Variants in FNDC3B observed in about 807,000 individuals in gnomAD.
FNDC3B encodes the protein fibronectin type III domain containing 3B.
FNDC3B carries 12 observed loss-of-function variants against 151.5 expected under a neutral mutation model. The ratio of observed to expected loss-of-function variants is 0.08; its 90% CI spans 0.05 to 0.13. The LOEUF is 0.13. FNDC3B is among the 10% of genes least tolerant of loss of function. The pLI is 1.00. For synonymous variants in FNDC3B, 528 were observed against 549.0 expected (o/e 0.96, Z 0.54); for missense variants, 1,214 against 1,505.3 (o/e 0.81, Z 3.20).
chr3:172,285,340 T>C (rs1225909337), intron 6 of FNDC3B, among the ~76,000 whole-genome samples: 1 of 152,216 alleles, frequency 6.6e-6, no homozygotes, highest in Non-Finnish European at 1.5e-5. Flanking sequence ...TTCTGTTCCC[T>C]TGCTTACCTT....
At chr3:172,230,854 T>G (rs1345426682) in intron 4 of FNDC3B, among the ~76,000 whole-genome samples, 2 of 152,236 alleles carry the variant, frequency 1.3e-5, no homozygotes, top group Non-Finnish European at 2.9e-5. Flanking sequence ...ATACACTGTA[T>G]GTGTTAATGT....
At chr3:172,283,610 A>AT (rs1180192411) in intron 6 of FNDC3B, among the ~76,000 whole-genome samples, 1 of 152,232 alleles carries the variant, frequency 6.6e-6, no homozygotes, top group Non-Finnish European at 1.5e-5. Flanking sequence ...TTGTTTGAAC[A>AT]TAACTATGTG....
At chr3:172,117,101 A>C (rs1319427969) in intron 2 of FNDC3B, among the ~76,000 whole-genome samples, 1 of 152,246 alleles carries the variant, frequency 6.6e-6, no homozygotes, top group Non-Finnish European at 1.5e-5. Context: ...ATATATAACC[A>C]AAAGTGAAAT....
At chr3:172,287,902 C>A (rs1378102644) in intron 7 of FNDC3B, among the ~76,000 whole-genome samples, 1 of 152,202 alleles carries the variant, frequency 6.6e-6, no homozygotes, top group Non-Finnish European at 1.5e-5. Flanking sequence ...GTAAGAGCGT[C>A]ATCTGAGAAC....
intron 25 of FNDC3B, among the ~76,000 whole-genome samples, chr3:172,388,624 T>C (rs940154072): frequency 5.9e-5 from 9 of 152,172 alleles, no homozygotes; most frequent in African/African-American, 2.2e-4. Flanking sequence ...GAGGCACAGC[T>C]GTATGGCAGG....
chr3:172,131,874 G>GT (rs879537283), intron 2 of FNDC3B, among the ~76,000 whole-genome samples: 2,229 of 148,684 alleles, frequency 0.015, 54 homozygotes, highest in African/African-American at 0.051. Context: ...ATTTGCAATA[G>GT]TTTTTTTTTT....
At chr3:172,192,843 T>G (rs577428623) in intron 3 of FNDC3B, among the ~76,000 whole-genome samples, 1 of 152,106 alleles carries the variant, frequency 6.6e-6, no homozygotes, top group African/African-American at 2.4e-5. Context: ...AACCTCTGAG[T>G]TGACTGTAAC....
intron 13 of FNDC3B, 36 bp downstream of exon 13, chr3:172,330,751 G>T (rs191936095): frequency 5.2e-6 from 8 of 1,527,718 alleles, no homozygotes; most frequent in Non-Finnish European, 7.2e-6. Flanking sequence ...TCTGTGTTTT[G>T]TACGAGTCAG....
At chr3:172,345,451 G>A (rs1304441424) in intron 19 of FNDC3B, among the ~76,000 whole-genome samples, 1 of 152,030 alleles carries the variant, frequency 6.6e-6, no homozygotes, top group Non-Finnish European at 1.5e-5. Flanking sequence ...ACTATCTTCA[G>A]CTTGGGTTTA....
chr3:172,358,079 C>T (rs1422704260), intron 22 of FNDC3B, among the ~76,000 whole-genome samples: 4 of 152,202 alleles, frequency 2.6e-5, no homozygotes, highest in African/African-American at 7.2e-5. Flanking sequence ...GTATGGTGTG[C>T]CAGACACACA....
At chr3:172,165,816 C>G (rs1461900392) in intron 3 of FNDC3B, among the ~76,000 whole-genome samples, 2 of 152,096 alleles carry the variant, frequency 1.3e-5, no homozygotes, top group African/African-American at 2.4e-5. Flanking sequence ...TTACATGACA[C>G]GAATGTTCAC....
intron 6 of FNDC3B, among the ~76,000 whole-genome samples, chr3:172,279,843 A>G (rs1165391218): frequency 4.6e-5 from 7 of 152,184 alleles, no homozygotes; most frequent in East Asian, 3.8e-4. Context: ...TAATATTTCA[A>G]AATTGAAGAT....
At chr3:172,319,192 C>T (rs1010360697) in intron 11 of FNDC3B, among the ~76,000 whole-genome samples, 3 of 152,200 alleles carry the variant, frequency 2.0e-5, no homozygotes, top group Non-Finnish European at 2.9e-5. Context: ...GGCTTCTCAT[C>T]GTGAGCTGGA....
rs751660814 is a variant in FNDC3B at position 172,401,620 on chromosome 3, TCAACAACAA to T, written c.*4157_*4165del. Reference sequence around the variant, plus strand: ...TCATGTCCTTTCCTGCAGGTCTCATTCAACAACAACAACAACAACAGCAATAAAACACAG... The same window carrying T: ...TCATGTCCTTTCCTGCAGGTCTCATTCAACAACAACAGCAATAAAACACAG... On this transcript the variant is annotated 3_prime_UTR_variant, in exon 26 of 26. Transcript: ENST00000415807. 1 of 152,120 alleles carries T rather than the reference TCAACAACAA, an allele frequency of 6.6e-6. No homozygotes were observed. Among genetic ancestry groups the T allele is most frequent in the African/African-American group, 2.4e-5 (1 of 41,406 alleles). 9.4% of individuals were successfully genotyped at this position (152,120 alleles called of 1,614,324 possible).
intron 3 of FNDC3B, among the ~76,000 whole-genome samples, chr3:172,168,846 G>A (rs1016073501): frequency 1.3e-5 from 2 of 150,732 alleles, no homozygotes; most frequent in African/African-American, 4.9e-5. Context: ...CCGAGTAGCT[G>A]GGACTACAGG....
chr3:172,262,360 C>G (rs1728688857), intron 6 of FNDC3B, among the ~76,000 whole-genome samples: 1 of 152,310 alleles, frequency 6.6e-6, no homozygotes. Flanking sequence ...ATCTCCTACT[C>G]TTTTCCTATT....
intron 3 of FNDC3B, among the ~76,000 whole-genome samples, chr3:172,196,605 G>C (rs561846103): frequency 1.5e-4 from 23 of 152,248 alleles, no homozygotes; most frequent in African/African-American, 5.1e-4. Context: ...GGTGGGAATT[G>C]GCTGACATTT....
intron 9 of FNDC3B, chr3:172,301,755 G>A (rs1015180534): frequency 6.6e-6 from 1 of 152,216 alleles, no homozygotes; most frequent in Non-Finnish European, 1.5e-5. Context: ...CTACTGAGGA[G>A]ACTGAGGTGA....
At chr3:172,277,645 G>A (rs1032635082) in intron 6 of FNDC3B, among the ~76,000 whole-genome samples, 1 of 152,116 alleles carries the variant, frequency 6.6e-6, no homozygotes, top group Non-Finnish European at 1.5e-5. Context: ...TTTAAAATAT[G>A]TATTTTTTAC....
Sources: gnomAD v4.1 joint callset for allele counts (sites outside exome capture counted in the v4.1 genomes callset) on GRCh38, gnomAD v4.1.1 for gene constraint, MANE v1.5 for transcripts, NCBI Gene and HGNC (gene_info 2026-07-23, HGNC 2026-07-21) for gene names.